COL4A6: variants seen among roughly 807,000 people sequenced by gnomAD.
The protein encoded by COL4A6 is collagen alpha-6(IV) chain.
A neutral mutation model predicts 126.7 loss-of-function variants in COL4A6; 59 were observed. The ratio of observed to expected loss-of-function variants is 0.47; its 90% CI spans 0.38 to 0.58. The LOEUF is 0.58. Among genes scored for constraint, COL4A6 ranks in the 20% least tolerant of loss-of-function variants. COL4A6 has a pLI of 0.00. For missense variants in COL4A6, 1,285 were observed against 1,337.3 expected, an observed-to-expected ratio of 0.96 and a Z score of 0.61; for synonymous variants, 547 against 496.6, an observed-to-expected ratio of 1.10 and a Z score of -1.35.
At position 108,187,894 on chromosome X, in the gene COL4A6, G is replaced by C. The variant is rs920172390; in HGVS notation, c.1721C>G (p.Pro574Arg). 7.4e-6 allele frequency: 9 copies of C among 1,209,528 alleles called. No individual in the cohort carries two copies. The highest frequency in any genetic ancestry group is 2.2e-5 in the Admixed American group (1 of 46,004). ...TAAACCTGGTACTCCGTCCTTGCCTGGTTCTCCTATTACACCACGGAAGCC... is the reference window on the plus strand; with the variant it reads ...TAAACCTGGTACTCCGTCCTTGCCTCGTTCTCCTATTACACCACGGAAGCC... The part of the protein sequence containing the change: ...SQGFRGVIGE[P>R]GKDGVPGLPG... Residue 574 changes from proline to arginine, a missense_variant, in exon 22 of 45, where the codon CCA becomes CGA. By Grantham distance (103) the Pro-to-Arg change is moderately radical. Coordinates refer to ENST00000334504, the MANE Select transcript of COL4A6 (RefSeq NM_033641.4).
At chrX:108,205,402 T>C (rs755205540) in intron 11 of COL4A6, 37 bp downstream of exon 11, 2 of 1,079,981 alleles carry the variant, frequency 1.9e-6, no homozygotes, top group Admixed American at 4.4e-5. Context: ...TCTTGCAGCA[T>C]ATGGAAGGCA....
At chrX:108,246,112 A>G (rs2036712696) in intron 3 of COL4A6, among the ~76,000 whole-genome samples, 2 of 111,638 alleles carry the variant, frequency 1.8e-5, no homozygotes, top group Admixed American at 9.5e-5. Context: ...CATTTTCTTT[A>G]TCTCTTTCAT....
At chrX:108,344,343 C>T (rs2039661036) in intron 2 of COL4A6, among the ~76,000 whole-genome samples, 1 of 111,233 alleles carries the variant, frequency 9.0e-6, no homozygotes, top group African/African-American at 3.3e-5. Context: ...GTCTCTTGGC[C>T]ACCAAGAATA....
intron 5 of COL4A6, among the ~76,000 whole-genome samples, chrX:108,218,776 C>T (rs1482913357): frequency 4.5e-5 from 5 of 111,901 alleles, no homozygotes. Flanking sequence ...TCAGAACAAT[C>T]TCTGAGAGGC....
intron 3 of COL4A6, among the ~76,000 whole-genome samples, chrX:108,242,387 CACA>C (rs1468859317): frequency 2.7e-5 from 3 of 111,508 alleles, no homozygotes; most frequent in Non-Finnish European, 5.6e-5. Context: ...AATAAATTTT[CACA>C]ACAACAAAGA....
intron 2 of COL4A6, among the ~76,000 whole-genome samples, chrX:108,380,439 TA>T (rs1356403887): frequency 5.3e-5 from 6 of 112,475 alleles, no homozygotes; most frequent in African/African-American, 9.7e-5. Context: ...ACGCGTTGTT[TA>T]CTGAGCTTTA....
At position 108,192,722 on chromosome X, in the gene COL4A6, C is replaced by T. The variant is rs959927368; in HGVS notation, c.1073-142G>A. 5 of 447,130 alleles carry T rather than the reference C, an allele frequency of 1.1e-5. 1 individual carries two copies. Among genetic ancestry groups the T allele is most frequent in the Non-Finnish European group, 2.0e-5 (5 of 255,742 alleles). The allele number at this position is 447,130 out of a possible 1,213,427, so 36.8% of individuals were successfully genotyped here. On this transcript the variant is annotated intron_variant, in intron 17 of 44. Transcript: ENST00000334504. Reference sequence around the variant, plus strand: ...TTCCCAAGTCTCTAATGCTAATGGCCTCACATGATAATGGGTCTTCTGGAG... The same window carrying T: ...TTCCCAAGTCTCTAATGCTAATGGCTTCACATGATAATGGGTCTTCTGGAG...
At chrX:108,396,573 GCT>G (rs2040968689) in intron 2 of COL4A6, among the ~76,000 whole-genome samples, 1 of 111,293 alleles carries the variant, frequency 9.0e-6, no homozygotes, top group Non-Finnish European at 1.9e-5. Context: ...ACCTATAGAA[GCT>G]CTGTTAACTC....
chrX:108,368,363 C>G (rs1484294458), intron 2 of COL4A6, among the ~76,000 whole-genome samples: 1 of 110,759 alleles, frequency 9.0e-6, no homozygotes, highest in Non-Finnish European at 1.9e-5. Flanking sequence ...AAATTATATC[C>G]CTGTCTAGGG....
intron 3 of COL4A6, among the ~76,000 whole-genome samples, chrX:108,233,722 G>T (rs1014614463): frequency 2.7e-5 from 3 of 111,866 alleles, no homozygotes; most frequent in Non-Finnish European, 5.6e-5. Flanking sequence ...TGCTAAAATG[G>T]TAGGGCCTGC....
At chrX:108,270,579 G>GT (rs1000091353) in intron 3 of COL4A6, among the ~76,000 whole-genome samples, 1 of 112,308 alleles carries the variant, frequency 8.9e-6, no homozygotes, top group Non-Finnish European at 1.9e-5. Context: ...CCGCAGACTG[G>GT]TGAGAAGTAA....
rs1269999278 is a variant in COL4A6, at chrX:108,333,637, T to A, written c.64-22809A>T. ...GAGAAAGTCAAATTATCTGTGTTCA[T>A]TGATGATATGATCTTATATCTAAAA... On this transcript the variant is annotated intron_variant, in intron 2 of 44. Transcript: ENST00000334504. Among the ~76,000 whole-genome samples the A allele has an allele frequency of 9.8e-5, 11 of 111,717 alleles. No homozygotes were observed. The Admixed American group carries it at 1.0e-3, about 11-fold the overall frequency.
In COL4A6 at chrX:108,156,961, G is replaced by A; in HGVS notation, c.*39C>T. 5 of 1,168,358 alleles carry A rather than the reference G, an allele frequency of 4.3e-6. No individual in the cohort carries two copies. Among genetic ancestry groups the A allele is most frequent in the Non-Finnish European group, 5.8e-6 (5 of 860,934 alleles). On this transcript the variant is annotated 3_prime_UTR_variant, in exon 45 of 45. Coordinates refer to ENST00000334504, the MANE Select transcript of COL4A6 (RefSeq NM_033641.4). ...AGGTTTGTGAGGTGACTGTTGTGAG[G>A]GGCAGGGGAGGGCAAGGGGCAGAGT...
chrX:108,196,188 G>A (rs1252404121), intron 14 of COL4A6, among the ~76,000 whole-genome samples: 2 of 110,945 alleles, frequency 1.8e-5, no homozygotes, highest in African/African-American at 6.6e-5. Context: ...ATGAAAGCAA[G>A]GCAACACTTG....
intron 2 of COL4A6, among the ~76,000 whole-genome samples, chrX:108,313,641 G>C (rs2147918606): frequency 9.1e-6 from 1 of 109,784 alleles, no homozygotes; most frequent in African/African-American, 3.3e-5. Context: ...TCCTAATTAA[G>C]CAAAAATTTT....
At chrX:108,195,831 A>G (rs2035197963) in intron 14 of COL4A6, among the ~76,000 whole-genome samples, 1 of 111,311 alleles carries the variant, frequency 9.0e-6, no homozygotes. Flanking sequence ...AAAGTAGAGA[A>G]AGAAATGGCA....
intron 2 of COL4A6, among the ~76,000 whole-genome samples, chrX:108,387,489 A>C (rs1471836705): frequency 1.8e-5 from 2 of 111,328 alleles, no homozygotes; most frequent in Admixed American, 1.9e-4. Context: ...TGTGAATGAG[A>C]GTTCACTCAT....
chrX:108,275,403 T>C (rs2037574607), intron 3 of COL4A6, among the ~76,000 whole-genome samples: 1 of 112,293 alleles, frequency 8.9e-6, no homozygotes, highest in Non-Finnish European at 1.9e-5. Flanking sequence ...TGTTTTCCTA[T>C]CTGTATGGCA....
intron 3 of COL4A6, among the ~76,000 whole-genome samples, chrX:108,289,400 T>G (rs1296471758): frequency 1.8e-5 from 2 of 110,465 alleles, no homozygotes; most frequent in African/African-American, 3.3e-5. Context: ...GGAGCAAGTG[T>G]GGAAAAATAT....
Sources: allele counts gnomAD v4.1 joint callset (sites outside exome capture counted in the v4.1 genomes callset), GRCh38; gene constraint gnomAD v4.1.1; transcripts MANE v1.5; gene names NCBI Gene and HGNC (gene_info 2026-07-23, HGNC 2026-07-21).